Variants in ZNG1C observed in about 807,000 individuals in gnomAD.
The protein encoded by ZNG1C is zinc-regulated GTPase metalloprotein activator 1C.
chr9:68,276,821 G>C, the ZNG1C span, among the ~76,000 whole-genome samples: 83 of 52,790 alleles, frequency 1.6e-3, no homozygotes, highest in East Asian at 2.1e-3. Context: ...CTTTAAAGTA[G>C]TTTTTTCCAA....
the ZNG1C span, among the ~76,000 whole-genome samples, chr9:68,297,107 T>A: frequency 1.3e-5 from 2 of 149,808 alleles, no homozygotes; most frequent in Non-Finnish European, 3.0e-5. Context: ...TCTGGGTAGC[T>A]TATTTTTTTG....
chr9:68,256,066 T>C, the ZNG1C span, among the ~76,000 whole-genome samples: 1 of 152,272 alleles, frequency 6.6e-6, no homozygotes, highest in Non-Finnish European at 1.5e-5. Flanking sequence ...CGGTATTTCA[T>C]TGTTGACACA....
At chr9:68,299,214 G>C in the ZNG1C span, 1 of 1,555,114 alleles carries the variant, frequency 6.4e-7, no homozygotes, top group Non-Finnish European at 8.7e-7. Context: ...TAAGCTTGTG[G>C]TCAATGTTTC....
At chr9:68,257,491 A>C in the ZNG1C span, among the ~76,000 whole-genome samples, 20 of 37,790 alleles carry the variant, frequency 5.3e-4, no homozygotes, top group East Asian at 1.5e-3. Context: ...AGTGGTGGAA[A>C]TCGATGTCAC....
the ZNG1C span, among the ~76,000 whole-genome samples, chr9:68,287,611 G>A: frequency 1.3e-5 from 2 of 152,302 alleles, no homozygotes; most frequent in Admixed American, 6.5e-5. Flanking sequence ...ATAGTATAAT[G>A]AGCCTGTATG....
the ZNG1C span, among the ~76,000 whole-genome samples, chr9:68,256,659 T>A: frequency 7.6e-6 from 1 of 131,026 alleles, no homozygotes; most frequent in Non-Finnish European, 1.6e-5. Context: ...AGAAGAATGA[T>A]GTTTTGTTTA....
At chr9:68,296,493 G>T in the ZNG1C span, among the ~76,000 whole-genome samples, 4 of 152,360 alleles carry the variant, frequency 2.6e-5, no homozygotes, top group Admixed American at 2.6e-4. Context: ...GCCTAAATTG[G>T]TCTTTAATAC....
At chr9:68,281,262 G>A in the ZNG1C span, among the ~76,000 whole-genome samples, 1 of 152,262 alleles carries the variant, frequency 6.6e-6, no homozygotes, top group Admixed American at 6.5e-5. Context: ...GATGAACCCG[G>A]TACCTCAGAT....
At chr9:68,270,994 A>G in the ZNG1C span, 1 of 144,212 alleles carries the variant, frequency 6.9e-6, no homozygotes, top group East Asian at 2.0e-4. Flanking sequence ...TTTTTTTACC[A>G]TTTTGTAGCT....
chr9:68,275,259 G>A, the ZNG1C span, among the ~76,000 whole-genome samples: 4 of 126,298 alleles, frequency 3.2e-5, no homozygotes, highest in East Asian at 2.6e-4. Flanking sequence ...TTAGCTTAGC[G>A]TTTTCACACA....
At chr9:68,275,999 A>C in the ZNG1C span, among the ~76,000 whole-genome samples, 1 of 151,880 alleles carries the variant, frequency 6.6e-6, no homozygotes, top group African/African-American at 2.4e-5. Context: ...TGCCATTCTA[A>C]CTGGTGTGAG....
the ZNG1C span, among the ~76,000 whole-genome samples, chr9:68,276,034 T>G: frequency 0.062 from 9,502 of 152,108 alleles, 409 homozygotes; most frequent in Non-Finnish European, 0.084. Flanking sequence ...TGGTTTTGAT[T>G]TGCATTTCTC....
chr9:68,255,990 C>G, the ZNG1C span, among the ~76,000 whole-genome samples: 9 of 152,100 alleles, frequency 5.9e-5, no homozygotes, highest in African/African-American at 2.2e-4. Flanking sequence ...CAATAGGTAT[C>G]AGGAAACCAT....
At chr9:68,278,870 T>G in the ZNG1C span, among the ~76,000 whole-genome samples, 3 of 19,524 alleles carry the variant, frequency 1.5e-4, no homozygotes, top group Non-Finnish European at 2.2e-4. Context: ...CTTGTTGACT[T>G]TCTGTCTCAT....
the ZNG1C span, among the ~76,000 whole-genome samples, chr9:68,290,071 T>C: frequency 1.5e-5 from 2 of 132,140 alleles, no homozygotes; most frequent in Non-Finnish European, 3.2e-5. Flanking sequence ...GACCCTTATC[T>C]TCTGCACTGG....
the ZNG1C span, among the ~76,000 whole-genome samples, chr9:68,276,408 G>T: frequency 1.9e-5 from 2 of 106,700 alleles, no homozygotes; most frequent in Admixed American, 1.0e-4. Context: ...GTAATGCCTA[G>T]GTTTTCTTCT....
chr9:68,257,188 C>T, the ZNG1C span, among the ~76,000 whole-genome samples: 13 of 141,842 alleles, frequency 9.2e-5, no homozygotes, highest in African/African-American at 3.2e-4. Flanking sequence ...CAGGCGTGCA[C>T]CATCGTACCT....
chr9:68,299,243 C>G, the ZNG1C span: 1 of 1,559,344 alleles, frequency 6.4e-7, no homozygotes, highest in Admixed American at 2.0e-5. Flanking sequence ...CACATTACAA[C>G]GTTCGTAAAA....
the ZNG1C span, among the ~76,000 whole-genome samples, chr9:68,284,293 C>CTTAAACCAA: frequency 2.1e-5 from 2 of 94,692 alleles, no homozygotes; most frequent in Non-Finnish European, 4.2e-5. Context: ...TCTGTTGGGT[C>CTTAAACCAA]CAAGAGCTTA....
Sources: gnomAD v4.1 joint callset for allele counts (sites outside exome capture counted in the v4.1 genomes callset) on GRCh38, gnomAD v4.1.1 for gene constraint, MANE v1.5 for transcripts, NCBI Gene and HGNC (gene_info 2026-07-23, HGNC 2026-07-21) for gene names.